SLC6A5: variants seen among roughly 807,000 people sequenced by gnomAD.
The protein encoded by SLC6A5 is sodium- and chloride-dependent glycine transporter 2.
SLC6A5 carries 58 observed loss-of-function variants against 90.5 expected under a neutral mutation model. The ratio of observed to expected loss-of-function variants is 0.64; its 90% confidence interval spans 0.52 to 0.80. The LOEUF (loss-of-function observed/expected upper bound fraction) is 0.80, where lower values mean the gene tolerates loss of function less well. Ranked by LOEUF, SLC6A5 falls within the 30% of genes least tolerant of loss-of-function variation. The pLI is 0.00. For synonymous variants in SLC6A5, 427 were observed against 401.4 expected (o/e 1.06, Z -0.76); for missense variants, 1,015 against 1,017.6 (o/e 1.00, Z 0.03).
rs765126043 is a variant in SLC6A5 at position 20,607,530 on chromosome 11, A to G, written c.863A>G (p.Asn288Ser). Residue 288 changes from asparagine to serine, a missense_variant, in exon 5 of 16, where the codon AAT becomes AGT. By Grantham distance (46) the Asn-to-Ser change is conservative. Around this residue, in one of 3 missense-constraint regions of SLC6A5, gnomAD observed 567 missense variants for 507.3 expected, o/e 1.12. Coordinates refer to ENST00000525748, the MANE Select transcript of SLC6A5 (RefSeq NM_004211.5). Reference protein sequence around the residue: ...IISVLIAIYYNVIICYTLFYL... With the variant: ...IISVLIAIYYSVIICYTLFYL... ...TCTGTCCTAATAGCCATATACTACAATGTGATTATTTGCTATACACTTTTC... is the reference window on the plus strand; with the variant it reads ...TCTGTCCTAATAGCCATATACTACAGTGTGATTATTTGCTATACACTTTTC... 6.2e-7 allele frequency: 1 copy of G among 1,613,934 alleles called. No homozygotes were observed. Among genetic ancestry groups the G allele is most frequent in the Non-Finnish European group, 8.5e-7 (1 of 1,179,984 alleles).
In SLC6A5 at chr11:20,607,230, G is replaced by A. The variant is rs72927523; in HGVS notation, c.811+92G>A. The A allele has an allele frequency of 2.5e-3, 3,740 of 1,484,914 alleles. 7 individuals are homozygous for A. Among genetic ancestry groups the A allele is most frequent in the Non-Finnish European group, 3.1e-3 (3,402 of 1,085,274 alleles). 92.0% of individuals were successfully genotyped at this position (1,484,914 alleles called of 1,614,324 possible). A position where few individuals can be genotyped will look rare whatever the true frequency, so the allele number is the denominator to read the frequency against. ...GCCCCAGGGAGGGAGACCTGCCTTTGTGGTTAATAGAACTAACTCTTTCCT... is the reference window on the plus strand; with the variant it reads ...GCCCCAGGGAGGGAGACCTGCCTTTATGGTTAATAGAACTAACTCTTTCCT... On this transcript the variant is annotated intron_variant, in intron 4 of 15. Transcript: ENST00000525748.
chr11:20,610,558 G>A (rs1241222179), intron 5 of SLC6A5, among the ~76,000 whole-genome samples: 2 of 152,166 alleles, frequency 1.3e-5, no homozygotes, highest in South Asian at 2.1e-4. Context: ...TTGGCAGGAG[G>A]GCTAGAAATA....
intron 3 of SLC6A5, among the ~76,000 whole-genome samples, chr11:20,605,143 G>T (rs1355403156): frequency 2.6e-5 from 4 of 152,046 alleles, no homozygotes; most frequent in Non-Finnish European, 5.9e-5. Flanking sequence ...GCACATTCAC[G>T]ATCCCTCTGG....
At chr11:20,644,152 A>C (rs1256238985) in intron 13 of SLC6A5, among the ~76,000 whole-genome samples, 1 of 152,218 alleles carries the variant, frequency 6.6e-6, no homozygotes, top group African/African-American at 2.4e-5. Context: ...AATCAAGCTA[A>C]TTGACATTTC....
chr11:20,607,396 C>T (rs1385198472), intron 4 of SLC6A5, 83 bp from the exon 5 acceptor site: 3 of 1,504,138 alleles, frequency 2.0e-6, no homozygotes, highest in Non-Finnish European at 2.8e-6. Flanking sequence ...AGAGCCTAGA[C>T]CTAGGTCCCC....
intron 14 of SLC6A5, among the ~76,000 whole-genome samples, chr11:20,647,239 T>TTA (rs201247599): frequency 5.9e-4 from 85 of 144,208 alleles, no homozygotes; most frequent in African/African-American, 2.1e-3. Flanking sequence ...TTATATATAT[T>TTA]TATATATATA....
At position 20,638,508 on chromosome 11, in the gene SLC6A5, C is replaced by G; in HGVS notation, c.1919C>G (p.Ala640Gly). ...QLVDTYAASY[A>G]LVIIAIFELV... ...GTGGACACCTATGCTGCCTCCTATG[C>G]CCTTGTCATCATTGCCATTTTTGAG... Residue 640 changes from alanine (A) to glycine (G), a missense_variant, in exon 13 of 16, where the codon GCC becomes GGC. Around this residue, in one of 3 missense-constraint regions of SLC6A5, gnomAD observed 442 missense variants for 494.3 expected, o/e 0.89. Coordinates refer to ENST00000525748, the MANE Select transcript of SLC6A5 (RefSeq NM_004211.5). 6.2e-7 allele frequency: 1 copy of G among 1,613,372 alleles called. No individual in the cohort carries two copies. Among genetic ancestry groups the G allele is most frequent in the Non-Finnish European group, 8.5e-7 (1 of 1,179,408 alleles).
intron 5 of SLC6A5, among the ~76,000 whole-genome samples, chr11:20,609,047 A>G (rs1170976671): frequency 6.6e-6 from 1 of 151,810 alleles, no homozygotes; most frequent in African/African-American, 2.4e-5. Context: ...GGCACAAGAG[A>G]CACAGAAGCC....
intron 7 of SLC6A5, among the ~76,000 whole-genome samples, chr11:20,623,130 G>T (rs546425646): frequency 2.0e-5 from 3 of 152,266 alleles, no homozygotes; most frequent in Non-Finnish European, 2.9e-5. Flanking sequence ...TTTGAGACAA[G>T]GAGGGAGGAG....
In SLC6A5 at chr11:20,650,958, G is replaced by T. The variant is rs971067882; in HGVS notation, c.2071-1331G>T. Among the ~76,000 whole-genome samples, 3 of 151,740 alleles carry T rather than the reference G, an allele frequency of 2.0e-5. No homozygotes were observed. In the East Asian group the frequency reaches 5.9e-4, roughly 30 times the overall value. On this transcript the variant is annotated intron_variant, in intron 14 of 15. Coordinates refer to ENST00000525748, the MANE Select transcript of SLC6A5 (RefSeq NM_004211.5). ...TGGGATTACAGGCGTGAGCCACCGC[G>T]CCCGGCCAGACGCCTGTTCTTATTG...
chr11:20,600,335 G>GGAGGAA (rs1852435530), intron 1 of SLC6A5, among the ~76,000 whole-genome samples: 2 of 87,878 alleles, frequency 2.3e-5, no homozygotes, highest in Non-Finnish European at 2.2e-5. Context: ...AAGAAGAAGA[G>GGAGGAA]GAAGAAGAAG....
intron 1 of SLC6A5, among the ~76,000 whole-genome samples, chr11:20,600,389 A>AGAAGAAGAG (rs1852442543): frequency 3.4e-5 from 5 of 148,992 alleles, no homozygotes; most frequent in African/African-American, 1.3e-4. Context: ...AAGAAGAAGA[A>AGAAGAAGAG]GAAGAAGAAG....
chr11:20,646,908 G>A lies in SLC6A5; in HGVS notation c.2044G>A (p.Ala682Thr). The A allele has an allele frequency of 3.7e-6, 6 of 1,613,164 alleles. No homozygotes were observed. The highest frequency in any genetic ancestry group is 1.7e-4 in the Middle Eastern group (1 of 6,058). ...QPNIFWKVCW[A>T]FVTPTILTFI... The stretch of plus-strand genomic sequence containing the variant: ...TAACATCTTCTGGAAAGTCTGCTGG[G>A]CATTTGTAACCCCAACCATTTTAAC... Residue 682 changes from alanine (A) to threonine (T), a missense_variant, in exon 14 of 16, where the codon GCA (alanine) becomes ACA (threonine). Physicochemically the swap from Ala to Thr is moderately conservative, Grantham distance 58. Coordinates refer to ENST00000525748, the MANE Select transcript of SLC6A5 (RefSeq NM_004211.5).
intron 6 of SLC6A5, among the ~76,000 whole-genome samples, chr11:20,617,479 T>C (rs1040013577): frequency 3.9e-5 from 6 of 152,226 alleles, no homozygotes; most frequent in Admixed American, 2.0e-4. Flanking sequence ...AGCCTTGTCC[T>C]GAAGCCTGCC....
At chr11:20,652,530 C>A in intron 15 of SLC6A5, 74 bp downstream of exon 15, 1 of 1,420,318 alleles carries the variant, frequency 7.0e-7, no homozygotes, top group Non-Finnish European at 1.0e-6. Context: ...TGTTAAAAAA[C>A]AAAAGATTCG....
intron 10 of SLC6A5, among the ~76,000 whole-genome samples, chr11:20,633,111 C>T (rs1019879361): frequency 6.6e-6 from 1 of 152,082 alleles, no homozygotes; most frequent in Non-Finnish European, 1.5e-5. Context: ...AGAGCCATCT[C>T]GCCACCATAT....
chr11:20,641,154 T>G (rs1288732722), intron 13 of SLC6A5, among the ~76,000 whole-genome samples: 1 of 152,032 alleles, frequency 6.6e-6, no homozygotes, highest in Non-Finnish European at 1.5e-5. Context: ...CTAAGTAGAG[T>G]CATTTTGAAA....
In SLC6A5 at chr11:20,601,423, G is replaced by T. The variant is rs1180414394; in HGVS notation, c.298G>T (p.Ala100Ser). 1 of 1,604,852 alleles carries T rather than the reference G, an allele frequency of 6.2e-7. No individual in the cohort carries two copies. Among genetic ancestry groups the T allele is most frequent in the Non-Finnish European group, 8.5e-7 (1 of 1,176,126 alleles). ...ASAALRDLRE[A>S]QGAQASPPPG... is the part of the protein sequence containing the mutation. ...TGCAGCTCTGCGGGACTTGAGAGAG[G>T]CGCAAGGCGCGCAGGCCTCGCCCCC... Residue 100 changes from alanine (A) to serine (S), a missense_variant, in exon 2 of 16, where the codon GCG becomes TCG. By Grantham distance (99) the Ala-to-Ser change is moderately conservative (BLOSUM62 1). Transcript: ENST00000525748.
At chr11:20,605,251 G>C (rs554440988) in intron 3 of SLC6A5, among the ~76,000 whole-genome samples, 3 of 152,288 alleles carry the variant, frequency 2.0e-5, no homozygotes, top group Admixed American at 6.5e-5. Context: ...GGACCGAAGG[G>C]ACAAGCAATG....
Sources: allele counts gnomAD v4.1 joint callset (sites outside exome capture counted in the v4.1 genomes callset), GRCh38; gene constraint gnomAD v4.1.1; regional missense constraint gnomAD v4.1.1; transcripts MANE v1.5; gene names NCBI Gene and HGNC (gene_info 2026-07-23, HGNC 2026-07-21).